THSD7A: variants seen among roughly 807,000 people sequenced by gnomAD.
THSD7A encodes the protein thrombospondin type-1 domain-containing protein 7A.
Under a neutral mutation model 231.3 loss-of-function variants are expected in THSD7A, and 96 were observed. The observed-to-expected ratio is 0.41, with a 90% CI of 0.35 to 0.49. The LOEUF (loss-of-function observed/expected upper bound fraction) is 0.49. Among genes scored for constraint, THSD7A ranks in the 20% least tolerant of loss-of-function variants. The pLI, the probability that THSD7A is intolerant of heterozygous loss-of-function variation, is 0.05. For missense variants in THSD7A, 2,290 were observed against 2,070.2 expected (o/e 1.11, Z -2.06); for synonymous variants, 940 against 743.3 (o/e 1.26, Z -4.30).
At chr7:11,477,076 T>A (rs1786221254) in intron 7 of THSD7A, among the ~76,000 whole-genome samples, 1 of 152,106 alleles carries the variant, frequency 6.6e-6, no homozygotes, top group South Asian at 2.1e-4. Context: ...TATAAACAGA[T>A]AAGTTATGAC....
intron 2 of THSD7A, among the ~76,000 whole-genome samples, chr7:11,616,454 C>T (rs1431603356): frequency 6.6e-6 from 1 of 152,162 alleles, no homozygotes; most frequent in Non-Finnish European, 1.5e-5. Context: ...TAAGGTCTGA[C>T]AATTTTGATC....
intron 6 of THSD7A, among the ~76,000 whole-genome samples, chr7:11,497,944 C>A (rs111547217): frequency 4.2e-4 from 64 of 152,220 alleles, no homozygotes; most frequent in African/African-American, 1.4e-3. Context: ...ATCTTTGCAA[C>A]CCTTGGGTTA....
At chr7:11,709,830 G>A (rs1780891530) in intron 1 of THSD7A, among the ~76,000 whole-genome samples, 1 of 150,782 alleles carries the variant, frequency 6.6e-6, no homozygotes, top group Non-Finnish European at 1.5e-5. Context: ...ATTCCTGCCA[G>A]TTAAAGCCTG....
At chr7:11,693,824 T>C (rs1291922249) in intron 1 of THSD7A, among the ~76,000 whole-genome samples, 1 of 151,506 alleles carries the variant, frequency 6.6e-6, no homozygotes, top group African/African-American at 2.4e-5. Flanking sequence ...TAGAGCATGA[T>C]TATCATTACA....
intron 13 of THSD7A, among the ~76,000 whole-genome samples, chr7:11,438,351 G>A (rs1386405067): frequency 6.6e-6 from 1 of 151,954 alleles, no homozygotes; most frequent in Non-Finnish European, 1.5e-5. Context: ...TGTAATATTT[G>A]TAGAGCCTTC....
intron 12 of THSD7A, 126 bp downstream of exon 12, chr7:11,447,104 A>G (rs1295207490): frequency 1.3e-5 from 12 of 905,124 alleles, no homozygotes; most frequent in Non-Finnish European, 1.8e-5. Flanking sequence ...AGCTAAATTT[A>G]AAATATACAT....
At chr7:11,526,017 G>T (rs1391642059) in intron 6 of THSD7A, among the ~76,000 whole-genome samples, 1 of 152,192 alleles carries the variant, frequency 6.6e-6, no homozygotes, top group African/African-American at 2.4e-5. Context: ...AAGAAAGAGA[G>T]CAAGAGTGTG....
chr7:11,526,759 C>G (rs907413513), intron 6 of THSD7A, among the ~76,000 whole-genome samples: 1 of 152,124 alleles, frequency 6.6e-6, no homozygotes, highest in African/African-American at 2.4e-5. Context: ...TTGCCTTCCA[C>G]CATGATTGTA....
At chr7:11,575,561 C>G (rs1471803350) in intron 4 of THSD7A, among the ~76,000 whole-genome samples, 1 of 152,148 alleles carries the variant, frequency 6.6e-6, no homozygotes, top group Admixed American at 6.5e-5. Context: ...TGAACTGCAC[C>G]TAAGCAGTAA....
At chr7:11,827,912 T>G (rs1785077866) in intron 1 of THSD7A, among the ~76,000 whole-genome samples, 1 of 152,196 alleles carries the variant, frequency 6.6e-6, no homozygotes, top group African/African-American at 2.4e-5. Context: ...AAAACCTTGA[T>G]GGCATTTTCC....
At chr7:11,401,684 T>A (rs1461592811) in intron 23 of THSD7A, 111 bp downstream of exon 23, 1 of 1,008,968 alleles carries the variant, frequency 9.9e-7, no homozygotes, top group Non-Finnish European at 1.4e-6. Flanking sequence ...AGCGTTGGGA[T>A]TACAGGCGTG....
At chr7:11,407,873 A>G (rs1438725564) in intron 19 of THSD7A, among the ~76,000 whole-genome samples, 1 of 152,242 alleles carries the variant, frequency 6.6e-6, no homozygotes, top group Non-Finnish European at 1.5e-5. Context: ...GGTTCTAAAC[A>G]TAAATTCATA....
intron 11 of THSD7A, among the ~76,000 whole-genome samples, chr7:11,458,769 C>G (rs770558052): frequency 6.6e-6 from 1 of 152,122 alleles, no homozygotes; most frequent in Non-Finnish European, 1.5e-5. Context: ...GAACAGTTTT[C>G]CGATTTGGAA....
rs3735502 is a variant in THSD7A, at chr7:11,481,915, T to C, written c.1890A>G (p.Pro630=). ...TGCTGAGCACACAGTCTTTCGGGCA[T>C]GGGGCATCACAGGCCACAGGGATGG... is the stretch of plus-strand genomic sequence containing the variant. ...IFPIPVACDA[P]CPKDCVLSTW... Residue 630 remains proline, a synonymous_variant, in exon 7 of 28, where the codon CCA becomes CCG. Transcript: ENST00000423059. 395,123 of 1,613,314 alleles carry C rather than the reference T, an allele frequency of 0.24. 50,083 individuals are homozygous for C. The highest frequency in any genetic ancestry group is 0.26 in the Non-Finnish European group (309,154 of 1,179,478).
At chr7:11,495,819 C>T (rs1291499518) in intron 6 of THSD7A, among the ~76,000 whole-genome samples, 5 of 152,012 alleles carry the variant, frequency 3.3e-5, no homozygotes, top group Admixed American at 6.6e-5. Context: ...AGCTACTTTG[C>T]TTGAGTTTGG....
At chr7:11,701,147 T>A (rs946003460) in intron 1 of THSD7A, among the ~76,000 whole-genome samples, 7 of 150,858 alleles carry the variant, frequency 4.6e-5, no homozygotes, top group African/African-American at 1.7e-4. Flanking sequence ...TCTTTCAAGA[T>A]GTGCACAATA....
chr7:11,725,889 T>A (rs536931219), intron 1 of THSD7A, among the ~76,000 whole-genome samples: 53 of 152,100 alleles, frequency 3.5e-4, no homozygotes, highest in Non-Finnish European at 6.2e-4. Context: ...TAATAATAAC[T>A]AATATTGTTG....
chr7:11,713,004 T>C (rs1781016903), intron 1 of THSD7A, among the ~76,000 whole-genome samples: 1 of 151,150 alleles, frequency 6.6e-6, no homozygotes, highest in Non-Finnish European at 1.5e-5. Context: ...CATCTCTACA[T>C]GACTCTGATG....
chr7:11,634,655 G>T lies in THSD7A; in HGVS notation c.1022+1475C>A, dbSNP rs1397561981. 1.3e-5 allele frequency among the ~76,000 whole-genome samples: 2 copies of T among 151,914 alleles called. No homozygotes were observed. Among genetic ancestry groups the T allele is most frequent in the East Asian group, 3.9e-4 (2 of 5,176 alleles). On this transcript the variant is annotated intron_variant, in intron 2 of 27. Coordinates refer to ENST00000423059, the MANE Select transcript of THSD7A (RefSeq NM_015204.3). This position sits in a 1 kb window ranked among gnomAD's most constrained non-coding sequence, Gnocchi z 4.1. ...AGGAGTTGTAGGAAACCTGGAGAATGAAGGCAGAACAACAGCCTTCATTCA... is the reference window on the plus strand; with the variant it reads ...AGGAGTTGTAGGAAACCTGGAGAATTAAGGCAGAACAACAGCCTTCATTCA...
Sources: allele counts gnomAD v4.1 joint callset (sites outside exome capture counted in the v4.1 genomes callset), GRCh38; gene constraint gnomAD v4.1.1; non-coding constraint Gnocchi (gnomAD v3.1); transcripts MANE v1.5; gene names NCBI Gene and HGNC (gene_info 2026-07-23, HGNC 2026-07-21).